Variants in ADAMTS13 observed in about 807,000 individuals in gnomAD.
The protein encoded by ADAMTS13 is ADAM metallopeptidase with thrombospondin type 1 motif 13, also known as A disintegrin and metalloproteinase with thrombospondin motifs 13.
ADAMTS13 carries 110 observed loss-of-function variants against 155.1 expected under a neutral mutation model. The observed-to-expected ratio is 0.71, with a 90% CI of 0.61 to 0.83. ADAMTS13 has a LOEUF of 0.83. Ranked by LOEUF, ADAMTS13 falls within the 40% of genes least tolerant of loss-of-function variation. ADAMTS13 has a pLI of 0.00. For synonymous variants in ADAMTS13, 758 were observed against 756.4 expected, an observed-to-expected ratio of 1.00 and a Z score of -0.03; for missense variants, 1,707 against 1,891.7, an observed-to-expected ratio of 0.90 and a Z score of 1.81.
Position 133,428,714 on chromosome 9 carries a change from C to T in ADAMTS13, c.767C>T (p.Pro256Leu). Residue 256 changes from proline (P) to leucine (L), a missense_variant, in exon 7 of 29, where the codon CCC becomes CTC. By Grantham distance (98) the Pro-to-Leu change is moderately conservative. Coordinates refer to ENST00000355699, the MANE Select transcript of ADAMTS13 (RefSeq NM_139027.6). ...GTGATGGCTTCGGACGGCGCCGCGC[C>T]CCGCGCCGGCCTCGCCTGGTCCCCC... is the stretch of plus-strand genomic sequence containing the variant. ...GHVMASDGAA[P>L]RAGLAWSPCS... is the part of the protein sequence containing the mutation. 3.7e-6 allele frequency: 5 copies of T among 1,353,144 alleles called. No homozygotes were observed. The highest frequency in any genetic ancestry group is 3.8e-6 in the Non-Finnish European group (4 of 1,051,010). 83.8% of individuals were successfully genotyped at this position (1,353,144 alleles called of 1,614,324 possible). A position where few individuals can be genotyped will look rare whatever the true frequency, so the allele number is the denominator to read the frequency against.
At position 133,436,871 on chromosome 9, in the gene ADAMTS13, G is replaced by T. The variant is rs375508823; in HGVS notation, c.1351G>T (p.Ala451Ser). The T allele has an allele frequency of 1.3e-6, 2 of 1,586,116 alleles. No individual in the cohort carries two copies. The highest frequency in any genetic ancestry group is 1.4e-5 in the African/African-American group (1 of 74,002). The change falls in exon 12 of 29, where the codon GCC becomes TCC. Residue 451 changes from alanine (A) to serine (S), a missense_variant. Physicochemically the swap from Ala to Ser is moderately conservative, Grantham distance 99 (BLOSUM62 1). This residue lies in a region of ADAMTS13 where 733 missense variants were observed against 749.6 expected (regional missense o/e 0.98). Coordinates refer to ENST00000355699, the MANE Select transcript of ADAMTS13 (RefSeq NM_139027.6). ...GCTGGAGTTCATGTCGCAACAGTGC[G>T]CCAGGACCGACGGCCAGCCGCTGCG... ...TQLEFMSQQC[A>S]RTDGQPLRSS...
chr9:133,423,189 C>T (rs1554784086), intron 2 of ADAMTS13, 22 bp downstream of exon 2: 6 of 1,611,078 alleles, frequency 3.7e-6, no homozygotes, highest in Non-Finnish European at 5.1e-6. Flanking sequence ...GGTGTCTTCT[C>T]TCCCGGGGGG....
At chr9:133,444,389 C>A (rs781899066) in intron 19 of ADAMTS13, among the ~76,000 whole-genome samples, 31 of 151,866 alleles carry the variant, frequency 2.0e-4, no homozygotes, top group Non-Finnish European at 3.7e-4. Flanking sequence ...GTCTTGTTCT[C>A]TCACCCAGGC....
In ADAMTS13 at chr9:133,440,214, C is replaced by A; in HGVS notation, c.1787-130C>A. The A allele has an allele frequency of 8.7e-7, 1 of 1,143,682 alleles. No individual in the cohort carries two copies. Among genetic ancestry groups the A allele is most frequent in the Non-Finnish European group, 1.3e-6 (1 of 776,124 alleles). 70.8% of individuals were successfully genotyped at this position (1,143,682 alleles called of 1,614,324 possible). The stretch of plus-strand genomic sequence containing the variant: ...GCCTAGAGCCTCCGCTGTGGGGAAG[C>A]CTCTAGCTCAGATGCCTGTGGCTCC... On this transcript the variant is annotated intron_variant, in intron 15 of 28. Coordinates refer to ENST00000355699, the MANE Select transcript of ADAMTS13 (RefSeq NM_139027.6). This position sits in a 1 kb window ranked among gnomAD's most constrained non-coding sequence, Gnocchi z 4.3.
rs781885530 is a variant in ADAMTS13, at chr9:133,456,117, G to A, written c.3449G>A (p.Arg1150Gln). 9.3e-6 allele frequency: 15 copies of A among 1,613,246 alleles called. No homozygotes were observed. The highest frequency in any genetic ancestry group is 5.3e-5 in the African/African-American group (4 of 74,952). Residue 1150 changes from arginine (R) to glutamine (Q), a missense_variant, in exon 26 of 29, where the codon CGA becomes CAA. By Grantham distance (43) the Arg-to-Gln change is conservative (BLOSUM62 1). This residue lies in a region of ADAMTS13 where 961 missense variants were observed against 1,107.9 expected (regional missense o/e 0.87). Transcript: ENST00000355699. The surrounding 1 kb of genome is among the most constrained non-coding windows in gnomAD (Gnocchi z 4.4). Reference sequence around the variant, plus strand: ...GAGCCAACAGGAACCATTGACATGCGAGGCCCAGGGCAGGCAGACTGTGCA... The same window carrying A: ...GAGCCAACAGGAACCATTGACATGCAAGGCCCAGGGCAGGCAGACTGTGCA... ...HLEPTGTIDM[R>Q]GPGQADCAVA...
In ADAMTS13 at chr9:133,440,589, C is replaced by T. The variant is rs782207545; in HGVS notation, c.1968+64C>T. ...TTCTTGGGGGCTATGGCTGCTTGCTCGTTTGTCTATCCATCCATTCCCTGA... is the reference window on the plus strand; with the variant it reads ...TTCTTGGGGGCTATGGCTGCTTGCTTGTTTGTCTATCCATCCATTCCCTGA... On this transcript the variant is annotated intron_variant, in intron 16 of 28. Coordinates refer to ENST00000355699, the MANE Select transcript of ADAMTS13 (RefSeq NM_139027.6). The surrounding 1 kb of genome is among the most constrained non-coding windows in gnomAD (Gnocchi z 4.3). 19 of 1,475,668 alleles carry T rather than the reference C, an allele frequency of 1.3e-5. No individual in the cohort carries two copies. Among genetic ancestry groups the T allele is most frequent in the African/African-American group, 4.2e-5 (3 of 71,138 alleles). The allele number at this position is 1,475,668 out of a possible 1,614,324, so 91.4% of individuals were successfully genotyped here.
chr9:133,432,169 G>A (rs1840818196), intron 8 of ADAMTS13, among the ~76,000 whole-genome samples: 1 of 152,192 alleles, frequency 6.6e-6, no homozygotes, highest in Non-Finnish European at 1.5e-5. Context: ...GAAGGCTGAG[G>A]TAGGAGAATT....
intron 23 of ADAMTS13, 56 bp downstream of exon 23, chr9:133,450,021 G>C: frequency 6.5e-7 from 1 of 1,537,874 alleles, no homozygotes; most frequent in Non-Finnish European, 8.7e-7. Flanking sequence ...TGCCAGGCCA[G>C]GCGCTGTGGT....
chr9:133,426,163 T>G lies in ADAMTS13; in HGVS notation c.540-36T>G, dbSNP rs940286277. The G allele has an allele frequency of 3.1e-6, 5 of 1,613,874 alleles. No individual in the cohort carries two copies. The African/African-American group carries it at 6.7e-5, about 22-fold the overall frequency. ...GGTGACCCCAGGGCAGGCACGTGCC[T>G]TGGCACCACCCAAGTGACTGTTTTC... On this transcript the variant is annotated intron_variant, in intron 5 of 28. Transcript: ENST00000355699.
exon 1 of ADAMTS13, chr9:133,414,557 G>C (rs1268241615): frequency 2.1e-6 from 2 of 954,704 alleles, no homozygotes; most frequent in Non-Finnish European, 3.4e-6. Flanking sequence ...ACGACATCAG[G>C]GTAAAGTGAT....
upstream of ADAMTS13, chr9:133,417,680 A>G (rs782339148): frequency 1.2e-6 from 2 of 1,614,132 alleles, no homozygotes; most frequent in South Asian, 1.1e-5. Context: ...GTCGCACCAC[A>G]GCACCGGGGC....
rs1841345356 is a variant in ADAMTS13, at chr9:133,437,732, T to G, written c.1436-17T>G. The G allele has an allele frequency of 1.2e-6, 2 of 1,613,486 alleles. No homozygotes were observed. The highest frequency in any genetic ancestry group is 1.7e-6 in the Non-Finnish European group (2 of 1,180,008). ...CCTGCTCGGTTCAGGACACCCTTTT[T>G]CACTCTGCCCTCCCAGGGGATGCTC... On this transcript the variant is annotated splice_polypyrimidine_tract_variant and intron_variant, in intron 12 of 28. Coordinates refer to ENST00000355699, the MANE Select transcript of ADAMTS13 (RefSeq NM_139027.6).
Position 133,457,215 on chromosome 9 carries a change from G to C in ADAMTS13, c.3724+496G>C, listed in dbSNP as rs77436535. 2.4e-4 allele frequency among the ~76,000 whole-genome samples: 36 copies of C among 152,296 alleles called. No individual in the cohort carries two copies. The East Asian group carries it at 7.0e-3, about 29-fold the overall frequency. On this transcript the variant is annotated intron_variant, in intron 27 of 28. Coordinates refer to ENST00000355699, the MANE Select transcript of ADAMTS13 (RefSeq NM_139027.6). ...TCGATATCCTCTGATAGCCCTCTCG[G>C]TTGTCCTGGGGGGCTTGCCCTCTCC...
chr9:133,416,892 T>C (rs191393358), intron 1 of ADAMTS13, among the ~76,000 whole-genome samples: 80 of 152,310 alleles, frequency 5.3e-4, no homozygotes, highest in Admixed American at 1.3e-3. Flanking sequence ...AGGAGCTCAA[T>C]TAGTATTTAC....
intron 9 of ADAMTS13, 95 bp from the exon 10 acceptor site, chr9:133,433,283 G>T: frequency 6.4e-7 from 1 of 1,554,734 alleles, no homozygotes. Context: ...GTGTGTTGGG[G>T]ATCCCTGAGG....
intron 21 of ADAMTS13, among the ~76,000 whole-genome samples, chr9:133,447,691 C>T (rs782268959): frequency 4.6e-5 from 7 of 151,666 alleles, no homozygotes; most frequent in Non-Finnish European, 8.8e-5. Flanking sequence ...CATGTTCAAA[C>T]GATTCTCATG....
rs587664518 is a variant in ADAMTS13, at chr9:133,455,528, C to T, written c.3400+93C>T. 34 of 1,611,184 alleles carry T rather than the reference C, an allele frequency of 2.1e-5. No homozygotes were observed. Among genetic ancestry groups the T allele is most frequent in the South Asian group, 8.8e-5 (8 of 91,036 alleles). On this transcript the variant is annotated intron_variant, in intron 25 of 28. Transcript: ENST00000355699. ...TGCCTCCCTGGAGTGGTCCCAGGCC[C>T]GGGGCCTGCTCTTCTCCCCGGCTCC...
At chr9:133,438,147 G>C in intron 13 of ADAMTS13, 99 bp from the exon 14 acceptor site, 1 of 1,601,232 alleles carries the variant, frequency 6.2e-7, no homozygotes, top group Non-Finnish European at 8.5e-7. Context: ...AGTGTTGCTG[G>C]TTTTGTGGAT....
chr9:133,423,249 G>A, intron 2 of ADAMTS13, 82 bp downstream of exon 2: 2 of 1,366,178 alleles, frequency 1.5e-6, no homozygotes, highest in Non-Finnish European at 1.0e-6. Flanking sequence ...CAGTGGTCTG[G>A]GATTTTTGGT....
Sources: allele counts gnomAD v4.1 joint callset (sites outside exome capture counted in the v4.1 genomes callset), GRCh38; gene constraint gnomAD v4.1.1; regional missense constraint gnomAD v4.1.1; non-coding constraint Gnocchi (gnomAD v3.1); transcripts MANE v1.5; gene names NCBI Gene and HGNC (gene_info 2026-07-23, HGNC 2026-07-21).